MAP4K5: variants seen among roughly 807,000 people sequenced by gnomAD.
The protein encoded by MAP4K5 is mitogen-activated protein kinase kinase kinase kinase 5.
A neutral mutation model predicts 135.6 loss-of-function variants in MAP4K5; 82 were observed. The ratio of observed to expected loss-of-function variants is 0.60; its 90% CI spans 0.51 to 0.73. The LOEUF is 0.73. MAP4K5 is among the 30% of genes least tolerant of loss of function. MAP4K5 has a pLI of 0.00. For missense variants in MAP4K5, 907 were observed against 1,010.9 expected (o/e 0.90, Z 1.39); for synonymous variants, 347 against 335.0 (o/e 1.04, Z -0.39).
chr14:50,420,884 AG>A (rs2035713530), intron 32 of MAP4K5, among the ~76,000 whole-genome samples: 1 of 151,908 alleles, frequency 6.6e-6, no homozygotes, highest in South Asian at 2.1e-4. Flanking sequence ...AAGGACTGAT[AG>A]GAAAAAAAAA....
intron 1 of MAP4K5, among the ~76,000 whole-genome samples, chr14:50,547,507 G>A (rs1289259025): frequency 2.0e-5 from 3 of 152,138 alleles, no homozygotes; most frequent in Non-Finnish European, 4.4e-5. Context: ...CTGTACACTT[G>A]CCCTAGCCCA....
intron 2 of MAP4K5, among the ~76,000 whole-genome samples, chr14:50,526,357 T>C (rs1019450786): frequency 1.3e-5 from 2 of 152,210 alleles, no homozygotes; most frequent in African/African-American, 4.8e-5. Context: ...TGGAGTGAAG[T>C]GGCGCAATCT....
intron 6 of MAP4K5, among the ~76,000 whole-genome samples, chr14:50,476,788 A>G (rs1319886881): frequency 1.3e-5 from 2 of 152,208 alleles, no homozygotes; most frequent in Admixed American, 1.3e-4. Context: ...ATTTTCTGAT[A>G]AAAATCAGAA....
At chr14:50,441,814 T>C (rs1473623992) in intron 21 of MAP4K5, among the ~76,000 whole-genome samples, 1 of 151,246 alleles carries the variant, frequency 6.6e-6, no homozygotes, top group Non-Finnish European at 1.5e-5. Flanking sequence ...ATACCCCCTC[T>C]GTCATACTTT....
chr14:50,497,135 TTAAA>T (rs1309406407), intron 3 of MAP4K5, among the ~76,000 whole-genome samples: 2 of 152,256 alleles, frequency 1.3e-5, no homozygotes, highest in Admixed American at 6.5e-5. Context: ...CAGCTAATTT[TTAAA>T]TAACTATGAA....
intron 3 of MAP4K5, among the ~76,000 whole-genome samples, chr14:50,491,051 T>C (rs2037473871): frequency 6.6e-6 from 1 of 152,128 alleles, no homozygotes; most frequent in Non-Finnish European, 1.5e-5. Flanking sequence ...TTGGATTCAA[T>C]ACCCTCTTAA....
At chr14:50,539,985 C>T (rs1175449240) in intron 2 of MAP4K5, among the ~76,000 whole-genome samples, 1 of 152,062 alleles carries the variant, frequency 6.6e-6, no homozygotes, top group Non-Finnish European at 1.5e-5. Context: ...CCCAGGAGGG[C>T]CCATACAATT....
chr14:50,440,100 C>T (rs1218252019), intron 22 of MAP4K5, 27 bp from the exon 23 acceptor site: 3 of 1,253,406 alleles, frequency 2.4e-6, no homozygotes, highest in Non-Finnish European at 3.4e-6. Context: ...AATTAAGATT[C>T]TCTCATTGTC....
At chr14:50,487,635 C>T (rs2037394519) in intron 3 of MAP4K5, among the ~76,000 whole-genome samples, 1 of 152,086 alleles carries the variant, frequency 6.6e-6, no homozygotes, top group South Asian at 2.1e-4. Context: ...TGAAAATGTG[C>T]TTCTTAATGG....
At chr14:50,548,340 C>A (rs1463916735) in intron 1 of MAP4K5, among the ~76,000 whole-genome samples, 1 of 152,132 alleles carries the variant, frequency 6.6e-6, no homozygotes, top group East Asian at 1.9e-4. Flanking sequence ...ACACATAGAG[C>A]AAGAGCCATT....
At chr14:50,488,815 T>C (rs1195698133) in intron 3 of MAP4K5, among the ~76,000 whole-genome samples, 2 of 152,360 alleles carry the variant, frequency 1.3e-5, no homozygotes, top group South Asian at 4.1e-4. Context: ...CCTTCAGATA[T>C]ATTCTTCGTA....
At chr14:50,490,165 G>A (rs1427814510) in intron 3 of MAP4K5, among the ~76,000 whole-genome samples, 43 of 146,350 alleles carry the variant, frequency 2.9e-4, no homozygotes, top group African/African-American at 1.0e-3. Context: ...GTGTGTAAGG[G>A]AACTCAGCCT....
Position 50,509,306 on chromosome 14 carries a change from C to T in MAP4K5, c.109-4449G>A, listed in dbSNP as rs2037880941. Reference sequence around the variant, plus strand: ...ATTCTGATGACAATATTTCACTGCCCCTTTTCAGAATTCGAGAATTCTCTT... The same window carrying T: ...ATTCTGATGACAATATTTCACTGCCTCTTTTCAGAATTCGAGAATTCTCTT... On this transcript the variant is annotated intron_variant, in intron 2 of 32. Coordinates refer to ENST00000682126, the MANE Select transcript of MAP4K5 (RefSeq NM_006575.6). Among the ~76,000 whole-genome samples the T allele has an allele frequency of 1.3e-5, 2 of 151,950 alleles. 1 individual carries two copies. Among genetic ancestry groups the T allele is most frequent in the South Asian group, 4.1e-4 (2 of 4,824 alleles).
At chr14:50,465,697 C>G (rs780493884) in intron 11 of MAP4K5, among the ~76,000 whole-genome samples, 29 of 152,142 alleles carry the variant, frequency 1.9e-4, no homozygotes, top group Admixed American at 3.3e-4. Context: ...TTCATGTAAT[C>G]ACTTCTAATT....
intron 1 of MAP4K5, chr14:50,560,396 T>A: frequency 6.7e-7 from 1 of 1,486,198 alleles, no homozygotes; most frequent in Non-Finnish European, 9.2e-7. Flanking sequence ...GGCTGCTAGG[T>A]GCCTGCGTCC....
chr14:50,419,367 A>C lies in MAP4K5; in HGVS notation c.*652T>G, dbSNP rs1398743306. 6.6e-6 allele frequency: 1 copy of C among 152,464 alleles called. No individual in the cohort carries two copies. The highest frequency in any genetic ancestry group is 1.5e-5 in the Non-Finnish European group (1 of 68,006). 9.4% of individuals were successfully genotyped at this position (152,464 alleles called of 1,614,324 possible). ...TAATTCTGTATGAAACTGTATTATA[A>C]AATACTTTTGTTAAGCAAAATTGCA... On this transcript the variant is annotated 3_prime_UTR_variant, in exon 33 of 33. Transcript: ENST00000682126.
intron 9 of MAP4K5, among the ~76,000 whole-genome samples, chr14:50,470,523 C>A (rs936186295): frequency 2.0e-5 from 3 of 151,832 alleles, no homozygotes; most frequent in African/African-American, 7.3e-5. Context: ...CTTATTGAGG[C>A]TTTTTTTCTG....
intron 6 of MAP4K5, among the ~76,000 whole-genome samples, chr14:50,479,737 C>G (rs1271791627): frequency 6.6e-6 from 1 of 152,144 alleles, no homozygotes; most frequent in Non-Finnish European, 1.5e-5. Context: ...AGATGCCCAA[C>G]ATTGTGAATT....
intron 3 of MAP4K5, among the ~76,000 whole-genome samples, chr14:50,498,843 G>A (rs1222343445): frequency 3.3e-5 from 5 of 152,134 alleles, no homozygotes; most frequent in African/African-American, 9.7e-5. Flanking sequence ...TTTTAAACCA[G>A]TTCATCTGTT....
Sources: gnomAD v4.1 joint callset for allele counts (sites outside exome capture counted in the v4.1 genomes callset) on GRCh38, gnomAD v4.1.1 for gene constraint, MANE v1.5 for transcripts, NCBI Gene and HGNC (gene_info 2026-07-23, HGNC 2026-07-21) for gene names.